The following LAMA3 variants were observed in gnomAD, a reference collection of about 807,000 sequenced individuals.
LAMA3 encodes laminin subunit alpha-3.
Under a neutral mutation model 402.0 loss-of-function variants are expected in LAMA3, and 281 were observed. The ratio of observed to expected loss-of-function variants is 0.70; its 90% CI spans 0.63 to 0.77. The LOEUF (loss-of-function observed/expected upper bound fraction) is 0.77, where lower values mean the gene tolerates loss of function less well. Among genes scored for constraint, LAMA3 ranks in the 30% least tolerant of loss-of-function variants. The pLI is 0.00. For synonymous variants in LAMA3, 1,431 were observed against 1,558.4 expected, an observed-to-expected ratio of 0.92 and a Z score of 1.93; for missense variants, 3,840 against 4,215.5, an observed-to-expected ratio of 0.91 and a Z score of 2.47.
chr18:23,767,578 C>CTTTTT (rs71163640), intron 8 of LAMA3, among the ~76,000 whole-genome samples: 2 of 125,798 alleles, frequency 1.6e-5, no homozygotes, highest in Non-Finnish European at 3.2e-5. Flanking sequence ...TCTTTCTTTT[C>CTTTTT]TTTTTTTTTT....
At chr18:23,858,937 C>T in intron 34 of LAMA3, 108 bp downstream of exon 34, 1 of 1,182,166 alleles carries the variant, frequency 8.5e-7, no homozygotes, top group Admixed American at 1.7e-5. Flanking sequence ...ATTCTTGTTT[C>T]CTGAATTCGT....
chr18:23,856,646 T>C (rs1321883952), intron 32 of LAMA3, among the ~76,000 whole-genome samples: 1 of 152,182 alleles, frequency 6.6e-6, no homozygotes, highest in East Asian at 1.9e-4. Flanking sequence ...TGCAGATGGT[T>C]GAGGGTGGAT....
rs1355258112 is a variant in LAMA3, at chr18:23,824,521, C to T, written c.2527C>T (p.Pro843Ser). 6.2e-7 allele frequency: 1 copy of T among 1,614,080 alleles called. No homozygotes were observed. The highest frequency in any genetic ancestry group is 8.5e-7 in the Non-Finnish European group (1 of 1,179,966). ...NGFADPFSIT[P>S]GIWVACIKAE... is the part of the protein sequence containing the mutation. ...TTTTGCAGACCCATTTTCAATCACA[C>T]CAGGAATATGGGTTGCTTGTATTAA... Residue 843 changes from proline to serine, a missense_variant, in exon 21 of 75, where the codon CCA becomes TCA. By Grantham distance (74) the Pro-to-Ser change is moderately conservative (BLOSUM62 -1). Coordinates refer to ENST00000313654, the MANE Select transcript of LAMA3 (RefSeq NM_198129.4).
intron 6 of LAMA3, among the ~76,000 whole-genome samples, chr18:23,754,207 C>T (rs762711457): frequency 3.3e-5 from 5 of 152,312 alleles, no homozygotes; most frequent in Non-Finnish European, 7.3e-5. Context: ...ATCAAATTTA[C>T]TATTTTAACC....
chr18:23,924,039 G>C (rs536046899), intron 62 of LAMA3, among the ~76,000 whole-genome samples: 8 of 152,152 alleles, frequency 5.3e-5, no homozygotes, highest in Non-Finnish European at 1.2e-4. Context: ...ATTTTTTGTA[G>C]AGATGGGGTC....
At chr18:23,902,974 A>C (rs747497230) in intron 48 of LAMA3, 35 bp from the exon 49 acceptor site, 2 of 1,250,344 alleles carry the variant, frequency 1.6e-6, no homozygotes, top group South Asian at 1.2e-5. Flanking sequence ...ATAATATATC[A>C]TAGAGCTCAA....
chr18:23,905,492 G>A (rs1172932810), intron 51 of LAMA3, 30 bp from the exon 52 acceptor site: 3 of 1,217,682 alleles, frequency 2.5e-6, no homozygotes, highest in Non-Finnish European at 3.7e-6. Context: ...TATAGCATTT[G>A]TTTAAGGCTG....
At chr18:23,709,164 G>T (rs2060943239) in intron 1 of LAMA3, among the ~76,000 whole-genome samples, 1 of 151,748 alleles carries the variant, frequency 6.6e-6, no homozygotes, top group African/African-American at 2.4e-5. Context: ...TCAGCCTCCT[G>T]GACTCAAGCG....
At position 23,833,901 on chromosome 18, in the gene LAMA3, C is replaced by CA. The variant is rs1568233635; in HGVS notation, c.2898dup (p.Ala967SerfsTer7). ...GTTGTGGTCGAGTATTCCACGGAGG[C>CA]AGCTCAGCTGTTTGTGGTTGATGTG... On this transcript the variant is annotated frameshift_variant, in exon 24 of 75. Coordinates refer to ENST00000313654, the MANE Select transcript of LAMA3 (RefSeq NM_198129.4). LOFTEE classifies it high-confidence loss of function. The CA allele has an allele frequency of 1.9e-6, 3 of 1,613,992 alleles. No homozygotes were observed. Among genetic ancestry groups the CA allele is most frequent in the Non-Finnish European group, 8.5e-7 (1 of 1,180,044 alleles).
At chr18:23,835,608 A>G (rs1392999697) in intron 24 of LAMA3, among the ~76,000 whole-genome samples, 1 of 152,210 alleles carries the variant, frequency 6.6e-6, no homozygotes, top group Non-Finnish European at 1.5e-5. Context: ...CATTGTGTTT[A>G]ATCCCTCCAA....
At chr18:23,941,295 C>T (rs771070736) in intron 68 of LAMA3, among the ~76,000 whole-genome samples, 4 of 144,610 alleles carry the variant, frequency 2.8e-5, no homozygotes, top group Non-Finnish European at 6.1e-5. Context: ...CGCCTCTGGC[C>T]TCCCCCTTGT....
rs949914931 is a variant in LAMA3 at position 23,907,644 on chromosome 18, T to C, written c.6813T>C (p.Asp2271=). The C allele has an allele frequency of 2.5e-6, 4 of 1,612,894 alleles. No individual in the cohort carries two copies. The highest frequency in any genetic ancestry group is 3.4e-6 in the Non-Finnish European group (4 of 1,178,924). Residue 2271 remains aspartate, a synonymous_variant, in exon 53 of 75, where the codon GAT becomes GAC. Transcript: ENST00000313654. Reference sequence around the variant, plus strand: ...ACACCAATCTCACAACTCTCCGAGATGGTCTTCATGGGATACAGAGAGGTC... The same window carrying C: ...ACACCAATCTCACAACTCTCCGAGACGGTCTTCATGGGATACAGAGAGGTC... ...VIDTNLTTLR[D]GLHGIQRGDI...
intron 8 of LAMA3, among the ~76,000 whole-genome samples, chr18:23,768,140 A>T (rs2062116947): frequency 6.8e-6 from 1 of 147,054 alleles, no homozygotes; most frequent in South Asian, 2.2e-4. Flanking sequence ...ATGGGACCTA[A>T]TTAAACTAAA....
chr18:23,748,691 A>C (rs575291264), intron 3 of LAMA3, among the ~76,000 whole-genome samples: 3 of 151,258 alleles, frequency 2.0e-5, no homozygotes, highest in African/African-American at 7.3e-5. Flanking sequence ...GCTACTCGGG[A>C]GGCTGAGGTG....
intron 32 of LAMA3, among the ~76,000 whole-genome samples, chr18:23,857,559 C>T (rs759207854): frequency 1.5e-4 from 23 of 152,228 alleles, no homozygotes; most frequent in Non-Finnish European, 3.2e-4. Flanking sequence ...TGCGGGAGCC[C>T]TCCAGGCTCG....
chr18:23,813,634 C>T (rs547041593), intron 14 of LAMA3, among the ~76,000 whole-genome samples: 1 of 150,126 alleles, frequency 6.7e-6, no homozygotes, highest in South Asian at 2.1e-4. Context: ...ACCTCCGCCT[C>T]CTGGGTCAAG....
chr18:23,827,428 A>C lies in LAMA3; in HGVS notation c.2784A>C (p.Thr928=), dbSNP rs770206637. The change falls in exon 23 of 75, where the codon ACA becomes ACC. Residue 928 remains threonine (T), a synonymous_variant. Coordinates refer to ENST00000313654, the MANE Select transcript of LAMA3 (RefSeq NM_198129.4). ...GACCCGTGGCAGTGAGGCAGCCCAC[A>C]CCTGCACACCCTGTCATGGTGGACC... ...EPRPVAVRQP[T]PAHPVMVDLS... is the part of the protein sequence containing the mutation. 6.2e-7 allele frequency: 1 copy of C among 1,614,196 alleles called. No individual in the cohort carries two copies. Among genetic ancestry groups the C allele is most frequent in the Admixed American group, 1.7e-5 (1 of 60,028 alleles).
intron 1 of LAMA3, among the ~76,000 whole-genome samples, chr18:23,713,522 C>T (rs2061036496): frequency 6.6e-6 from 1 of 152,198 alleles, no homozygotes; most frequent in Non-Finnish European, 1.5e-5. Context: ...TTTTGTACCC[C>T]AGTGCCGCAC....
chr18:23,787,685 A>C (rs2062572509), intron 12 of LAMA3, among the ~76,000 whole-genome samples: 1 of 152,182 alleles, frequency 6.6e-6, no homozygotes, highest in Non-Finnish European at 1.5e-5. Flanking sequence ...CTAAGTGCTG[A>C]AAGTGGAAAA....
Sources: allele counts gnomAD v4.1 joint callset (sites outside exome capture counted in the v4.1 genomes callset), GRCh38; gene constraint gnomAD v4.1.1; transcripts MANE v1.5; gene names NCBI Gene and HGNC (gene_info 2026-07-23, HGNC 2026-07-21).